The following CDKAL1 variants were observed in gnomAD, a reference collection of about 807,000 sequenced individuals.
CDKAL1 encodes the protein CDKAL1 threonylcarbamoyladenosine tRNA methylthiotransferase, also known as threonylcarbamoyladenosine tRNA methylthiotransferase.
In CDKAL1, 32 loss-of-function variants were observed where a neutral mutation model predicts 68.2. The ratio of observed to expected loss-of-function variants is 0.47; its 90% CI spans 0.35 to 0.63. The LOEUF is 0.63. Ranked by LOEUF, CDKAL1 falls within the 30% of genes least tolerant of loss-of-function variation. CDKAL1 has a pLI of 0.00. For synonymous variants in CDKAL1, 234 were observed against 244.3 expected, an observed-to-expected ratio of 0.96 and a Z score of 0.39; for missense variants, 606 against 696.7, an observed-to-expected ratio of 0.87 and a Z score of 1.47.
chr6:20,607,800 T>C (rs1766398750), intron 4 of CDKAL1, among the ~76,000 whole-genome samples: 1 of 152,138 alleles, frequency 6.6e-6, no homozygotes, highest in South Asian at 2.1e-4. Context: ...GTTCAAGCAA[T>C]TCTCCTGCCT....
chr6:21,223,279 G>A (rs933470304), intron 15 of CDKAL1, among the ~76,000 whole-genome samples: 3 of 152,142 alleles, frequency 2.0e-5, no homozygotes, highest in African/African-American at 4.8e-5. Flanking sequence ...TATGAGTAAA[G>A]CCAGGCCACT....
chr6:20,728,555 T>A (rs946014107), intron 5 of CDKAL1, among the ~76,000 whole-genome samples: 1 of 152,198 alleles, frequency 6.6e-6, no homozygotes, highest in Non-Finnish European at 1.5e-5. Flanking sequence ...AACCCCTAGC[T>A]TAGGGCATTA....
chr6:20,824,592 C>T (rs1199298511), intron 8 of CDKAL1, among the ~76,000 whole-genome samples: 1 of 152,184 alleles, frequency 6.6e-6, no homozygotes, highest in Non-Finnish European at 1.5e-5. Context: ...CTCCATAGGG[C>T]AGCCTACAAC....
At chr6:20,617,672 G>A (rs1203893533) in intron 4 of CDKAL1, among the ~76,000 whole-genome samples, 1 of 152,024 alleles carries the variant, frequency 6.6e-6, no homozygotes, top group African/African-American at 2.4e-5. Context: ...GCGGTGTTTG[G>A]TTTTCTGTCT....
At chr6:20,964,321 A>G (rs1765195673) in intron 10 of CDKAL1, among the ~76,000 whole-genome samples, 1 of 152,252 alleles carries the variant, frequency 6.6e-6, no homozygotes, top group Admixed American at 6.5e-5. Flanking sequence ...ACATACCCAA[A>G]GGAATATAAA....
chr6:20,831,858 AG>A (rs1777732269), intron 8 of CDKAL1, among the ~76,000 whole-genome samples: 1 of 152,188 alleles, frequency 6.6e-6, no homozygotes, highest in South Asian at 2.1e-4. Flanking sequence ...GAATGAACGT[AG>A]AATGGTCGAC....
chr6:20,597,383 C>T (rs2127708088), intron 4 of CDKAL1, among the ~76,000 whole-genome samples: 1 of 152,200 alleles, frequency 6.6e-6, no homozygotes, highest in African/African-American at 2.4e-5. Context: ...CCACCTCAGC[C>T]TCCCAAAGTG....
At position 20,877,944 on chromosome 6, in the gene CDKAL1, C is replaced by T. The variant is rs556418999; in HGVS notation, c.742+31766C>T. On this transcript the variant is annotated intron_variant, in intron 9 of 15. Coordinates refer to ENST00000274695, the MANE Select transcript of CDKAL1 (RefSeq NM_017774.3). ...TCAAATGCACTTACTTATACTTTTC[C>T]GTATGTGTCTCAAGCTTTCCTACAA... Among the ~76,000 whole-genome samples the T allele has an allele frequency of 5.3e-5, 8 of 152,244 alleles. No homozygotes were observed. The East Asian group carries it at 5.8e-4, about 11-fold the overall frequency.
At chr6:21,095,028 T>C (rs1456656137) in intron 12 of CDKAL1, among the ~76,000 whole-genome samples, 2 of 152,132 alleles carry the variant, frequency 1.3e-5, no homozygotes, top group Non-Finnish European at 2.9e-5. Context: ...CCTCTTCCAA[T>C]GAAAAAAACA....
chr6:20,764,390 C>T (rs529867095), intron 7 of CDKAL1, among the ~76,000 whole-genome samples: 2 of 152,236 alleles, frequency 1.3e-5, no homozygotes, highest in East Asian at 1.9e-4. Context: ...GTTTTCCCAA[C>T]GTGGTATATA....
At chr6:20,955,709 G>T in intron 10 of CDKAL1, 124 bp downstream of exon 10, 2 of 712,350 alleles carry the variant, frequency 2.8e-6, no homozygotes, top group Admixed American at 3.0e-5. Context: ...TTGTAGTCCC[G>T]CATTTCCAAG....
intron 5 of CDKAL1, among the ~76,000 whole-genome samples, chr6:20,680,729 G>T (rs566462876): frequency 6.6e-6 from 1 of 152,302 alleles, no homozygotes; most frequent in South Asian, 2.1e-4. Context: ...TTTGCTTTCT[G>T]CATGGAGCTT....
chr6:20,851,432 G>T (rs1759006588), intron 9 of CDKAL1, among the ~76,000 whole-genome samples: 1 of 152,134 alleles, frequency 6.6e-6, no homozygotes, highest in Non-Finnish European at 1.5e-5. Flanking sequence ...ACCTTTTTAA[G>T]TGTGCAGGGT....
chr6:21,231,501 A>G lies in CDKAL1; in HGVS notation c.*462A>G, dbSNP rs1779974580. The G allele has an allele frequency of 6.6e-6, 1 of 152,058 alleles. No individual in the cohort carries two copies. Among genetic ancestry groups the G allele is most frequent in the Non-Finnish European group, 1.5e-5 (1 of 68,104 alleles). 9.4% of individuals were successfully genotyped at this position (152,058 alleles called of 1,614,324 possible). A position where few individuals can be genotyped will look rare whatever the true frequency, so the allele number is the denominator to read the frequency against. On this transcript the variant is annotated 3_prime_UTR_variant, in exon 16 of 16. Transcript: ENST00000274695. Reference sequence around the variant, plus strand: ...TGGTGCAGTGGCACGATCTCAGGTCACTGCAACCTCTGCCTCCTGGGTTCA... The same window carrying G: ...TGGTGCAGTGGCACGATCTCAGGTCGCTGCAACCTCTGCCTCCTGGGTTCA...
intron 5 of CDKAL1, among the ~76,000 whole-genome samples, chr6:20,672,280 T>TTCTC (rs1362727062): frequency 0.058 from 7,165 of 124,232 alleles, 299 homozygotes; most frequent in African/African-American, 0.11. Context: ...TTTTCTTTCT[T>TTCTC]TCTCTCTCTC....
At chr6:20,585,569 A>G (rs1257899041) in intron 4 of CDKAL1, among the ~76,000 whole-genome samples, 1 of 152,158 alleles carries the variant, frequency 6.6e-6, no homozygotes, top group Non-Finnish European at 1.5e-5. Flanking sequence ...GCCAAATGCA[A>G]ATGCCACTTC....
chr6:21,137,862 C>T (rs920463535), intron 13 of CDKAL1, among the ~76,000 whole-genome samples: 3 of 152,150 alleles, frequency 2.0e-5, no homozygotes, highest in Admixed American at 1.3e-4. Flanking sequence ...AATATCACAG[C>T]TATTCAGTTT....
chr6:20,848,386 G>C (rs76959080), intron 9 of CDKAL1, among the ~76,000 whole-genome samples: 7,743 of 151,612 alleles, frequency 0.051, 603 homozygotes, highest in African/African-American at 0.17. Flanking sequence ...TTTGTATAAA[G>C]TGATTATGAC....
intron 5 of CDKAL1, among the ~76,000 whole-genome samples, chr6:20,695,436 C>A (rs1369309950): frequency 6.6e-6 from 1 of 152,144 alleles, no homozygotes; most frequent in Non-Finnish European, 1.5e-5. Flanking sequence ...CAGCTAGATG[C>A]TCTGGATGGA....
Sources: allele counts gnomAD v4.1 joint callset (sites outside exome capture counted in the v4.1 genomes callset), GRCh38; gene constraint gnomAD v4.1.1; transcripts MANE v1.5; gene names NCBI Gene and HGNC (gene_info 2026-07-23, HGNC 2026-07-21).